LUZP2: variants seen among roughly 807,000 people sequenced by gnomAD.
The protein encoded by LUZP2 is leucine zipper protein 2.
In LUZP2, 52 loss-of-function variants were observed where a neutral mutation model predicts 51.6. The ratio of observed to expected loss-of-function variants is 1.01; its 90% CI spans 0.81 to 1.27. LUZP2 has a LOEUF of 1.27. Among genes scored for constraint, LUZP2 ranks in the 50% most tolerant of loss-of-function variants. The pLI is 0.00. For missense variants in LUZP2, 436 were observed against 395.4 expected, an observed-to-expected ratio of 1.10 and a Z score of -0.87; for synonymous variants, 154 against 137.3, an observed-to-expected ratio of 1.12 and a Z score of -0.85.
intron 1 of LUZP2, among the ~76,000 whole-genome samples, chr11:24,688,080 C>A (rs1856951232): frequency 1.3e-5 from 2 of 151,944 alleles, no homozygotes; most frequent in South Asian, 4.2e-4. Flanking sequence ...AGTCACTGGT[C>A]AAGGTCAGGT....
At chr11:24,770,235 G>A (rs12164815) in intron 5 of LUZP2, among the ~76,000 whole-genome samples, 1 of 152,136 alleles carries the variant, frequency 6.6e-6, no homozygotes, top group Non-Finnish European at 1.5e-5. Context: ...ATATAAGAAA[G>A]GCTTGGGAAT....
intron 9 of LUZP2, among the ~76,000 whole-genome samples, chr11:25,003,309 G>A (rs539114237): frequency 6.6e-5 from 10 of 152,316 alleles, no homozygotes; most frequent in South Asian, 4.1e-4. Flanking sequence ...GATGGTCCAC[G>A]TAAGTTGGGA....
chr11:24,887,811 A>T (rs1275746570), intron 5 of LUZP2, among the ~76,000 whole-genome samples: 1 of 152,222 alleles, frequency 6.6e-6, no homozygotes, highest in Non-Finnish European at 1.5e-5. Context: ...ACACATTTAA[A>T]CTGAAATGTG....
intron 1 of LUZP2, among the ~76,000 whole-genome samples, chr11:24,547,000 G>C (rs1199146375): frequency 6.7e-6 from 1 of 149,820 alleles, no homozygotes; most frequent in Non-Finnish European, 1.5e-5. Context: ...GTGGTGGTTG[G>C]TAGGCTATTT....
At chr11:24,835,860 C>A (rs958688406) in intron 5 of LUZP2, among the ~76,000 whole-genome samples, 3 of 151,808 alleles carry the variant, frequency 2.0e-5, no homozygotes, top group Non-Finnish European at 2.9e-5. Context: ...ATGTTTATTT[C>A]TTTTAAGTTA....
chr11:24,517,083 G>T (rs1850488856), intron 1 of LUZP2, among the ~76,000 whole-genome samples: 1 of 151,808 alleles, frequency 6.6e-6, no homozygotes, highest in African/African-American at 2.4e-5. Context: ...TATTTTTTGT[G>T]TTCTAAGTTG....
At chr11:24,901,842 T>G (rs1853290686) in intron 5 of LUZP2, among the ~76,000 whole-genome samples, 1 of 152,186 alleles carries the variant, frequency 6.6e-6, no homozygotes, top group Admixed American at 6.5e-5. Flanking sequence ...ATATTTTTGC[T>G]ATATTTAGAG....
chr11:24,737,407 G>T (rs186373754), intron 3 of LUZP2, among the ~76,000 whole-genome samples: 1 of 151,888 alleles, frequency 6.6e-6, no homozygotes. Context: ...TGCTTTGAGA[G>T]AATTTCTGTA....
intron 7 of LUZP2, among the ~76,000 whole-genome samples, chr11:24,922,461 T>C (rs909849970): frequency 6.6e-6 from 1 of 152,216 alleles, no homozygotes; most frequent in Non-Finnish European, 1.5e-5. Flanking sequence ...AGTAATTTAA[T>C]TTTTGTGCAT....
intron 5 of LUZP2, among the ~76,000 whole-genome samples, chr11:24,826,045 C>A (rs977964251): frequency 6.6e-6 from 1 of 150,494 alleles, no homozygotes; most frequent in Non-Finnish European, 1.5e-5. Flanking sequence ...CGGTGGCGGG[C>A]GCCTGTAGTC....
intron 5 of LUZP2, among the ~76,000 whole-genome samples, chr11:24,808,034 A>C (rs1428865491): frequency 2.0e-5 from 3 of 152,158 alleles, no homozygotes; most frequent in Non-Finnish European, 4.4e-5. Flanking sequence ...AATTGATGGG[A>C]ATTGTGAAAC....
At chr11:24,952,263 A>T (rs1855099502) in intron 7 of LUZP2, among the ~76,000 whole-genome samples, 1 of 151,740 alleles carries the variant, frequency 6.6e-6, no homozygotes. Context: ...ATCATATTAT[A>T]ATATAAAAAT....
At chr11:24,620,816 A>G (rs188986330) in intron 1 of LUZP2, among the ~76,000 whole-genome samples, 1 of 152,216 alleles carries the variant, frequency 6.6e-6, no homozygotes, top group Non-Finnish European at 1.5e-5. Flanking sequence ...AAGTCAAAGC[A>G]ATTAAGTCAT....
intron 5 of LUZP2, among the ~76,000 whole-genome samples, chr11:24,901,107 C>A (rs1183067240): frequency 6.6e-6 from 1 of 152,102 alleles, no homozygotes; most frequent in Non-Finnish European, 1.5e-5. Flanking sequence ...GCAGGGATTT[C>A]TTGCCTATTT....
chr11:24,555,084 A>T (rs1329678189), intron 1 of LUZP2, among the ~76,000 whole-genome samples: 1 of 151,348 alleles, frequency 6.6e-6, no homozygotes, highest in Non-Finnish European at 1.5e-5. Context: ...TGTAAGGCTG[A>T]TAACCCAAAA....
At chr11:24,851,883 T>G (rs1303448925) in intron 5 of LUZP2, among the ~76,000 whole-genome samples, 1 of 152,188 alleles carries the variant, frequency 6.6e-6, no homozygotes, top group Non-Finnish European at 1.5e-5. Context: ...CCATTTCTTT[T>G]AGATTTTCTA....
intron 5 of LUZP2, among the ~76,000 whole-genome samples, chr11:24,872,808 G>T (rs1852123009): frequency 6.6e-6 from 1 of 152,070 alleles, no homozygotes; most frequent in South Asian, 2.1e-4. Context: ...CACAGCAACA[G>T]AGTCAAGAAG....
chr11:25,045,099 C>A (rs1361080979), intron 9 of LUZP2, among the ~76,000 whole-genome samples: 1 of 148,366 alleles, frequency 6.7e-6, no homozygotes, highest in Non-Finnish European at 1.5e-5. Flanking sequence ...GGAGATATAC[C>A]TAATGCTAAA....
Position 24,892,212 on chromosome 11 carries a change from A to G in LUZP2, c.397-13779A>G, listed in dbSNP as rs901053631. ...CTGTGGTTGTGATCTGTGAGGAAAA[A>G]TGTGTATTTCTCCCAGATTCAGCCT... On this transcript the variant is annotated intron_variant, in intron 5 of 11. Transcript: ENST00000336930. 6.1e-6 allele frequency: 6 copies of G among 985,266 alleles called. No individual in the cohort carries two copies. In the African/African-American group the frequency reaches 8.7e-5, roughly 14 times the overall value. The allele number at this position is 985,266 out of a possible 1,614,324, so 61.0% of individuals were successfully genotyped here. A position where few individuals can be genotyped will look rare whatever the true frequency, so the allele number is the denominator to read the frequency against.
Sources: allele counts gnomAD v4.1 joint callset (sites outside exome capture counted in the v4.1 genomes callset), GRCh38; gene constraint gnomAD v4.1.1; transcripts MANE v1.5; gene names NCBI Gene and HGNC (gene_info 2026-07-23, HGNC 2026-07-21).